The following FGFR1 variants were observed in gnomAD, a reference collection of about 807,000 sequenced individuals.
FGFR1 encodes FGFR1/PLAG1 fusion.
In FGFR1, 18 loss-of-function variants were observed where a neutral mutation model predicts 93.7. The observed-to-expected ratio is 0.19, with a 90% CI of 0.13 to 0.28. FGFR1 has a LOEUF of 0.28. FGFR1 is among the 10% of genes least tolerant of loss of function. The pLI is 1.00. For synonymous variants in FGFR1, 448 were observed against 429.3 expected (o/e 1.04, Z -0.54); for missense variants, 731 against 1,080.4 (o/e 0.68, Z 4.53).
intron 2 of FGFR1, among the ~76,000 whole-genome samples, chr8:38,439,394 G>GAGCCCCTC (rs1826573881): frequency 6.6e-6 from 1 of 152,050 alleles, no homozygotes; most frequent in Non-Finnish European, 1.5e-5. Context: ...TTCTCTTCTC[G>GAGCCCCTC]AGCCCCTCAC....
At chr8:38,465,063 C>T (rs981872547) in intron 1 of FGFR1, among the ~76,000 whole-genome samples, 1 of 152,212 alleles carries the variant, frequency 6.6e-6, no homozygotes, top group Non-Finnish European at 1.5e-5. Flanking sequence ...ATTTTCTTGC[C>T]CTCTGGAGTC....
chr8:38,447,105 A>G (rs1829559517), intron 2 of FGFR1, among the ~76,000 whole-genome samples: 1 of 30,312 alleles, frequency 3.3e-5, no homozygotes, highest in African/African-American at 2.0e-4. Flanking sequence ...GCAAACACAC[A>G]CACACACACA....
chr8:38,433,687 A>T (rs1319267727), intron 2 of FGFR1, among the ~76,000 whole-genome samples: 2 of 152,166 alleles, frequency 1.3e-5, no homozygotes, highest in Non-Finnish European at 2.9e-5. Context: ...CTCATCTCTA[A>T]TTTTCTGTAA....
intron 1 of FGFR1, chr8:38,465,385 G>C (rs1835280454): frequency 8.6e-6 from 2 of 232,302 alleles, no homozygotes; most frequent in African/African-American, 4.4e-5. Flanking sequence ...CTCTCAATCT[G>C]GATGAACCTC....
chr8:38,436,477 G>C (rs1255836681), intron 2 of FGFR1, among the ~76,000 whole-genome samples: 1 of 152,138 alleles, frequency 6.6e-6, no homozygotes, highest in East Asian at 1.9e-4. Flanking sequence ...GTCAGGGTTA[G>C]GGTTTGCCTT....
In FGFR1 at chr8:38,426,304, A is replaced by T. The variant is rs1586317498; in HGVS notation, c.622-59T>A. 8 of 1,609,892 alleles carry T rather than the reference A, an allele frequency of 5.0e-6. No homozygotes were observed. The East Asian group carries it at 1.8e-4, about 36-fold the overall frequency. On this transcript the variant is annotated intron_variant, in intron 5 of 17. Coordinates refer to ENST00000447712, the MANE Select transcript of FGFR1 (RefSeq NM_023110.3). The surrounding 1 kb of genome is among the most constrained non-coding windows in gnomAD (Gnocchi z 4.1). ...TCCAGAGGAAAATGCAGGCCCCATG[A>T]CAATGTCGGCACCCCGTGGCACCTG...
At chr8:38,446,806 T>C (rs1352568539) in intron 2 of FGFR1, among the ~76,000 whole-genome samples, 1 of 152,150 alleles carries the variant, frequency 6.6e-6, no homozygotes, top group Non-Finnish European at 1.5e-5. Flanking sequence ...TCATCAGAGA[T>C]TGTTGGACCA....
At chr8:38,422,887 G>C in intron 7 of FGFR1, 1 of 607,596 alleles carries the variant, frequency 1.6e-6, no homozygotes, top group South Asian at 2.0e-5. Flanking sequence ...TCCCAGGCCG[G>C]GTATTTTTCC....
At chr8:38,461,083 C>A (rs2151425414) in intron 1 of FGFR1, 1 of 1,536,074 alleles carries the variant, frequency 6.5e-7, no homozygotes, top group Non-Finnish European at 8.7e-7. Context: ...TCAGAGGGGG[C>A]TGAAATACTT....
chr8:38,440,273 T>G (rs774340681), intron 2 of FGFR1: 71 of 1,584,496 alleles, frequency 4.5e-5, no homozygotes, highest in Non-Finnish European at 6.0e-5. Context: ...TTTTATTACG[T>G]ATTTTGGCTT....
In FGFR1 at chr8:38,424,596, C is replaced by T. The variant is rs374583846; in HGVS notation, c.849G>A (p.Pro283=). 25 of 1,614,108 alleles carry T rather than the reference C, an allele frequency of 1.5e-5. No homozygotes were observed. The highest frequency in any genetic ancestry group is 4.0e-5 in the African/African-American group (3 of 74,920). ...VEFMCKVYSD[P]QPHIQWLKHI... ...GCTTTAGCCACTGGATGTGCGGCTG[C>T]GGGTCACTGTACACCTTACACATGA... is the stretch of plus-strand genomic sequence containing the variant. Residue 283 remains proline (P), a synonymous_variant, in exon 7 of 18, where the codon CCG becomes CCA. Coordinates refer to ENST00000447712, the MANE Select transcript of FGFR1 (RefSeq NM_023110.3). The surrounding 1 kb of genome is among the most constrained non-coding windows in gnomAD (Gnocchi z 4.3).
chr8:38,426,316 C>T lies in FGFR1; in HGVS notation c.622-71G>A, dbSNP rs1820737686. On this transcript the variant is annotated intron_variant, in intron 5 of 17. Transcript: ENST00000447712. The surrounding 1 kb of genome is among the most constrained non-coding windows in gnomAD (Gnocchi z 4.1). Reference sequence around the variant, plus strand: ...TGCAGGCCCCATGACAATGTCGGCACCCCGTGGCACCTGCCCTCCATATCA... The same window carrying T: ...TGCAGGCCCCATGACAATGTCGGCATCCCGTGGCACCTGCCCTCCATATCA... The T allele has an allele frequency of 6.2e-7, 1 of 1,600,736 alleles. No individual in the cohort carries two copies. The highest frequency in any genetic ancestry group is 8.5e-7 in the Non-Finnish European group (1 of 1,174,256).
chr8:38,421,747 C>A (rs536557592), intron 8 of FGFR1, 50 bp downstream of exon 8: 4 of 1,602,332 alleles, frequency 2.5e-6, no homozygotes, highest in Admixed American at 3.3e-5. Flanking sequence ...ATGCTCCCCC[C>A]GTGCCCGTGG....
intron 2 of FGFR1, among the ~76,000 whole-genome samples, chr8:38,438,632 G>A (rs963615590): frequency 3.9e-5 from 6 of 152,124 alleles, no homozygotes; most frequent in African/African-American, 1.4e-4. Flanking sequence ...GCCCAGCTAG[G>A]TTGTTAAGTG....
At chr8:38,444,414 G>T in intron 2 of FGFR1, among the ~76,000 whole-genome samples, 1 of 150,754 alleles carries the variant, frequency 6.6e-6, no homozygotes, top group African/African-American at 2.4e-5. Context: ...TTTGAGACAG[G>T]GTCTCATTCT....
Position 38,412,130 on chromosome 8 carries a change from G to A in FGFR1, c.*1498C>T, listed in dbSNP as rs17182484. 309 of 207,110 alleles carry A rather than the reference G, an allele frequency of 1.5e-3. 1 individual carries two copies. Among genetic ancestry groups the A allele is most frequent in the Admixed American group, 3.5e-3 (59 of 16,898 alleles). The allele number at this position is 207,110 out of a possible 1,614,324, so 12.8% of individuals were successfully genotyped here. ...TGCAATGGCGCAATCTCGGCTCACTGCAACCTCCGCCTCCCAGCTTCAAGG... is the reference window on the plus strand; with the variant it reads ...TGCAATGGCGCAATCTCGGCTCACTACAACCTCCGCCTCCCAGCTTCAAGG... On this transcript the variant is annotated 3_prime_UTR_variant, in exon 18 of 18. Transcript: ENST00000447712.
rs1261152687 is a variant in FGFR1, at chr8:38,426,740, ATT to A, written c.622-497_622-496del. On this transcript the variant is annotated intron_variant, in intron 5 of 17. Coordinates refer to ENST00000447712, the MANE Select transcript of FGFR1 (RefSeq NM_023110.3). The surrounding 1 kb of genome is among the most constrained non-coding windows in gnomAD (Gnocchi z 4.1). The stretch of plus-strand genomic sequence containing the variant: ...CATTTGCCTCCTATCAGACTGCAAA[ATT>A]TTTATGGGCAGGAACGCTATCTTGC... Among the ~76,000 whole-genome samples the A allele has an allele frequency of 6.6e-6, 1 of 152,166 alleles. No homozygotes were observed. The highest frequency in any genetic ancestry group is 1.5e-5 in the Non-Finnish European group (1 of 68,032).
At chr8:38,414,695 GACTGGGGGGTGGGTTCTCAGCCCACCCC>G in intron 14 of FGFR1, 56 bp downstream of exon 14, 1 of 1,613,366 alleles carries the variant, frequency 6.2e-7, no homozygotes, top group South Asian at 1.1e-5. Flanking sequence ...GGTGGGAAGG[GACTGGGGGGTGGGTTCTCAGCCCACCCC>G]ACTCCTTGCT....
intron 1 of FGFR1, among the ~76,000 whole-genome samples, chr8:38,467,235 C>T (rs1431591288): frequency 6.6e-6 from 1 of 152,078 alleles, no homozygotes; most frequent in Non-Finnish European, 1.5e-5. Context: ...AAACTTCCGA[C>T]CCTTTCAGAG....
Sources: allele counts gnomAD v4.1 joint callset (sites outside exome capture counted in the v4.1 genomes callset), GRCh38; gene constraint gnomAD v4.1.1; non-coding constraint Gnocchi (gnomAD v3.1); transcripts MANE v1.5; gene names NCBI Gene and HGNC (gene_info 2026-07-23, HGNC 2026-07-21).